DBNDD1: variants seen among roughly 807,000 people sequenced by gnomAD.
The protein encoded by DBNDD1 is dysbindin domain-containing protein 1.
A neutral mutation model predicts 17.0 loss-of-function variants in DBNDD1; 14 were observed. The ratio of observed to expected loss-of-function variants is 0.82; its 90% confidence interval spans 0.54 to 1.29. DBNDD1 has a LOEUF of 1.29. DBNDD1 is among the 50% of genes most tolerant of loss of function. The pLI is 0.00. For synonymous variants in DBNDD1, 105 were observed against 102.0 expected, an observed-to-expected ratio of 1.03 and a Z score of -0.18; for missense variants, 221 against 216.2, an observed-to-expected ratio of 1.02 and a Z score of -0.14.
At chr16:90,014,997 T>G (rs2035616091) in intron 1 of DBNDD1, among the ~76,000 whole-genome samples, 1 of 133,754 alleles carries the variant, frequency 7.5e-6, no homozygotes, top group African/African-American at 2.8e-5. Flanking sequence ...AGAACGAGAC[T>G]CTTGTTTCAA....
rs1017994183 is a variant in DBNDD1 at position 90,005,326 on chromosome 16, A to G, written c.*1009T>C. ...TGACTTGCTGTCAGGCAAGAAGCCC[A>G]TTCTGTGAGCTTCAGCATATAAGCA... On this transcript the variant is annotated 3_prime_UTR_variant, in exon 4 of 4. Transcript: ENST00000002501. 2 of 152,406 alleles carry G rather than the reference A, an allele frequency of 1.3e-5. No individual in the cohort carries two copies. The highest frequency in any genetic ancestry group is 2.4e-5 in the African/African-American group (1 of 41,578). The allele number at this position is 152,406 out of a possible 1,614,324, so 9.4% of individuals were successfully genotyped here.
rs754935716 is a variant in DBNDD1, at chr16:90,008,923, C to T, written c.180G>A (p.Gln60=). ...CCAGAGAGGAGACGCTGCTCAGAGG[C>T]TCTGAGGGCAGAGGGGGTACAGTCA... is the stretch of plus-strand genomic sequence containing the variant. The part of the protein sequence containing the change: ...PGLLQVTERR[Q]PLSSVSSLEV... Residue 60 remains glutamine (Q), a splice_region_variant and synonymous_variant, in exon 3 of 4, where the codon CAG becomes CAA. Coordinates refer to ENST00000002501, the MANE Select transcript of DBNDD1 (RefSeq NM_001042610.3). 3.9e-6 allele frequency: 6 copies of T among 1,557,132 alleles called. No homozygotes were observed. Among genetic ancestry groups the T allele is most frequent in the African/African-American group, 1.4e-5 (1 of 73,772 alleles).
chr16:90,008,051 A>C lies in DBNDD1; in HGVS notation c.319+733T>G, dbSNP rs1489795373. ...AGGACGTCCCAAGGGGCCTCAGCCC[A>C]CCACACACACCTCCCAGGACGTCCC... On this transcript the variant is annotated intron_variant, in intron 3 of 3. Coordinates refer to ENST00000002501, the MANE Select transcript of DBNDD1 (RefSeq NM_001042610.3). Among the ~76,000 whole-genome samples, 63 of 72,272 alleles carry C rather than the reference A, an allele frequency of 8.7e-4. 5 individuals carry two copies. Among genetic ancestry groups the C allele is most frequent in the East Asian group, 5.7e-3 (11 of 1,920 alleles). 47.4% of individuals were successfully genotyped at this position (72,272 alleles called of 152,430 possible). A position where few individuals can be genotyped will look rare whatever the true frequency, so the allele number is the denominator to read the frequency against.
At chr16:90,013,567 C>G (rs147828861) in intron 1 of DBNDD1, among the ~76,000 whole-genome samples, 1 of 152,174 alleles carries the variant, frequency 6.6e-6, no homozygotes, top group Non-Finnish European at 1.5e-5. Flanking sequence ...GCAGAGGGAG[C>G]AGGAAGTCCC....
In DBNDD1 at chr16:90,005,991, C is replaced by T. The variant is rs747799805; in HGVS notation, c.*344G>A. Reference sequence around the variant, plus strand: ...CCGTGGGCCACTCCATTCCTCAGCACGTTCCTGGCAGTGACTCCGTGACGC... The same window carrying T: ...CCGTGGGCCACTCCATTCCTCAGCATGTTCCTGGCAGTGACTCCGTGACGC... On this transcript the variant is annotated 3_prime_UTR_variant, in exon 4 of 4. Transcript: ENST00000002501. 35 of 233,262 alleles carry T rather than the reference C, an allele frequency of 1.5e-4. No individual in the cohort carries two copies. The highest frequency in any genetic ancestry group is 2.3e-4 in the Admixed American group (5 of 22,080). 14.4% of individuals were successfully genotyped at this position (233,262 alleles called of 1,614,324 possible). A position where few individuals can be genotyped will look rare whatever the true frequency, so the allele number is the denominator to read the frequency against.
intron 3 of DBNDD1, chr16:90,006,780 A>C: frequency 5.3e-6 from 2 of 374,960 alleles, no homozygotes; most frequent in South Asian, 4.3e-5. Context: ...TCATTAAGTG[A>C]CCCTGGTGGG....
At chr16:90,014,284 G>A (rs970132071) in intron 1 of DBNDD1, among the ~76,000 whole-genome samples, 2 of 151,966 alleles carry the variant, frequency 1.3e-5, no homozygotes, top group Non-Finnish European at 2.9e-5. Context: ...GCGCCACCAT[G>A]CCTGGCTAAT....
chr16:90,009,856 C>T (rs367629345), intron 1 of DBNDD1: 7 of 1,179,462 alleles, frequency 5.9e-6, no homozygotes, highest in Middle Eastern at 2.0e-4. Flanking sequence ...CCCTTCAAAC[C>T]AGAACAGCCC....
intron 1 of DBNDD1, among the ~76,000 whole-genome samples, chr16:90,013,793 C>T (rs1308164476): frequency 1.3e-5 from 2 of 152,176 alleles, no homozygotes; most frequent in Non-Finnish European, 2.9e-5. Context: ...ATGATTCCTG[C>T]CCTTCTGAGG....
chr16:90,008,357 T>G (rs12448503), intron 3 of DBNDD1, among the ~76,000 whole-genome samples: 189 of 7,242 alleles, frequency 0.026, 33 homozygotes, highest in African/African-American at 0.037. Context: ...CTCCCAGGAC[T>G]TCCCAAGGGG....
chr16:90,010,367 C>CTTT (rs34659525), intron 1 of DBNDD1, among the ~76,000 whole-genome samples: 4 of 123,796 alleles, frequency 3.2e-5, no homozygotes, highest in East Asian at 2.2e-4. Flanking sequence ...ACGTAACTAC[C>CTTT]TTTTTTTTTT....
chr16:90,015,733 G>A (rs1597584327), intron 1 of DBNDD1, among the ~76,000 whole-genome samples: 1 of 152,146 alleles, frequency 6.6e-6, no homozygotes, highest in African/African-American at 2.4e-5. Context: ...CACCTCATTC[G>A]AGTGAAGGAA....
chr16:90,007,871 T>G (rs1042282512), intron 3 of DBNDD1: 24 of 174,692 alleles, frequency 1.4e-4, no homozygotes, highest in Non-Finnish European at 2.6e-4. Context: ...TCCCAGGACT[T>G]CCCAAGGGGC....
At chr16:90,006,621 T>C in intron 3 of DBNDD1, 129 bp from the exon 4 acceptor site, 4 of 1,204,196 alleles carry the variant, frequency 3.3e-6, no homozygotes, top group Non-Finnish European at 4.6e-6. Context: ...GCACCAGGCA[T>C]GCACACATCT....
At chr16:90,018,744 G>A (rs2035697705) in intron 1 of DBNDD1, among the ~76,000 whole-genome samples, 1 of 152,196 alleles carries the variant, frequency 6.6e-6, no homozygotes, top group East Asian at 1.9e-4. Context: ...GTGCGCCTGG[G>A]CCACTCCCGG....
chr16:90,015,810 G>A (rs574110659), intron 1 of DBNDD1, among the ~76,000 whole-genome samples: 8 of 151,650 alleles, frequency 5.3e-5, no homozygotes, highest in African/African-American at 9.8e-5. Context: ...AGGCAAGCGC[G>A]TAGACATTCC....
In DBNDD1 at chr16:90,011,416, C is replaced by T. The variant is rs78661270; in HGVS notation, c.32-1986G>A. Among the ~76,000 whole-genome samples the T allele has an allele frequency of 5.5e-3, 831 of 152,342 alleles. 8 individuals carry two copies. Among genetic ancestry groups the T allele is most frequent in the African/African-American group, 0.019 (797 of 41,586 alleles). ...GCCCGGCCTCCTGAGTGAGGGGCAC[C>T]GGTGCAGGGCTGGGAGGTCCCCAGT... On this transcript the variant is annotated intron_variant, in intron 1 of 3. Coordinates refer to ENST00000002501, the MANE Select transcript of DBNDD1 (RefSeq NM_001042610.3).
intron 1 of DBNDD1, among the ~76,000 whole-genome samples, chr16:90,017,084 C>CA (rs766534726): frequency 2.6e-5 from 4 of 152,240 alleles, no homozygotes; most frequent in Non-Finnish European, 5.9e-5. Flanking sequence ...GTGGGGCCCT[C>CA]AGAGAGGGCA....
intron 1 of DBNDD1, among the ~76,000 whole-genome samples, chr16:90,012,911 T>A (rs994877014): frequency 1.3e-5 from 2 of 151,854 alleles, no homozygotes; most frequent in East Asian, 1.9e-4. Context: ...CTAATTAAAA[T>A]TTTTTTGGTA....
Sources: allele counts gnomAD v4.1 joint callset (sites outside exome capture counted in the v4.1 genomes callset), GRCh38; gene constraint gnomAD v4.1.1; transcripts MANE v1.5; gene names NCBI Gene and HGNC (gene_info 2026-07-23, HGNC 2026-07-21).